Variants in ZNF286A observed in about 807,000 individuals in gnomAD.
The protein encoded by ZNF286A is zinc finger protein 286A.
In ZNF286A, 34 loss-of-function variants were observed where a neutral mutation model predicts 49.3. The ratio of observed to expected loss-of-function variants is 0.69; its 90% CI spans 0.52 to 0.92. ZNF286A has a LOEUF of 0.92. Ranked by LOEUF, ZNF286A falls within the 40% of genes least tolerant of loss-of-function variation. The pLI, the probability that ZNF286A is intolerant of heterozygous loss-of-function variation, is 0.00. For synonymous variants in ZNF286A, 155 were observed against 200.4 expected (o/e 0.77, Z 1.91); for missense variants, 462 against 600.2 (o/e 0.77, Z 2.41).
intron 4 of ZNF286A, among the ~76,000 whole-genome samples, 192 bp from the exon 5 acceptor site, chr17:15,707,963 C>A (rs1019761557): frequency 1.3e-5 from 2 of 151,328 alleles, no homozygotes; most frequent in African/African-American, 4.9e-5. Flanking sequence ...CCTGCCTGGG[C>A]AATATAGTGA....
At chr17:15,704,891 T>G (rs1220159329) in intron 3 of ZNF286A, 1 of 1,610,076 alleles carries the variant, frequency 6.2e-7, no homozygotes, top group Non-Finnish European at 8.5e-7. Flanking sequence ...TTCTCCACGT[T>G]GGAGTTCATG....
At chr17:15,711,060 C>T (rs1226639875) in intron 5 of ZNF286A, among the ~76,000 whole-genome samples, 3 of 151,796 alleles carry the variant, frequency 2.0e-5, no homozygotes, top group Admixed American at 6.6e-5. Context: ...TACAGGCATA[C>T]GCCACCAAAC....
At chr17:15,707,923 G>T in intron 4 of ZNF286A, among the ~76,000 whole-genome samples, 1 of 152,094 alleles carries the variant, frequency 6.6e-6, no homozygotes, top group Non-Finnish European at 1.5e-5. Context: ...GGCAGAGGTG[G>T]GAGGATAGCT....
At chr17:15,704,919 GCGGGTCC>G (rs1990094799) in intron 3 of ZNF286A, 1 of 1,575,630 alleles carries the variant, frequency 6.3e-7, no homozygotes, top group Non-Finnish European at 8.6e-7. Context: ...CCGGCCGGGG[GCGGGTCC>G]CCCCGGCCCC....
chr17:15,716,329 C>T lies in ZNF286A; in HGVS notation c.605C>T (p.Ser202Phe). 6.2e-7 allele frequency: 1 copy of T among 1,613,902 alleles called. No homozygotes were observed. The highest frequency in any genetic ancestry group is 2.2e-5 in the East Asian group (1 of 44,872). Reference sequence around the variant, plus strand: ...TACTGGAAAAGCTTCAATCAGAAATCTGTCCTTATCACTGAAGACAGAGTT... The same window carrying T: ...TACTGGAAAAGCTTCAATCAGAAATTTGTCCTTATCACTGAAGACAGAGTT... ...DVYWKSFNQK[S>F]VLITEDRVPK... Residue 202 changes from serine to phenylalanine, a missense_variant, in exon 6 of 6, where the codon TCT becomes TTT. Around this residue, in one of 3 missense-constraint regions of ZNF286A, gnomAD observed 259 missense variants for 272.2 expected, o/e 0.95. Transcript: ENST00000583566.
At chr17:15,706,630 G>C in intron 4 of ZNF286A, 129 bp downstream of exon 4, 1 of 580,906 alleles carries the variant, frequency 1.7e-6, no homozygotes, top group Non-Finnish European at 2.8e-6. Context: ...TTTGGCCTGT[G>C]TAGAAAATCT....
At chr17:15,713,561 C>T (rs909259243) in intron 5 of ZNF286A, among the ~76,000 whole-genome samples, 22 of 151,956 alleles carry the variant, frequency 1.4e-4, no homozygotes, top group African/African-American at 5.1e-4. Flanking sequence ...CAAAACTGAA[C>T]AAGTGATACT....
intron 5 of ZNF286A, chr17:15,709,871 T>A (rs1990525728): frequency 6.5e-7 from 1 of 1,545,980 alleles, no homozygotes; most frequent in African/African-American, 1.4e-5. Context: ...AGAGCTGGTT[T>A]AGGGAGATAA....
In ZNF286A at chr17:15,717,032, A is replaced by G; in HGVS notation, c.1308A>G (p.Lys436=). 2 of 1,614,106 alleles carry G rather than the reference A, an allele frequency of 1.2e-6. No individual in the cohort carries two copies. The highest frequency in any genetic ancestry group is 1.7e-6 in the Non-Finnish European group (2 of 1,180,030). The change falls in exon 6 of 6, where the codon AAA becomes AAG. Residue 436 remains lysine, a synonymous_variant. Coordinates refer to ENST00000583566, the MANE Select transcript of ZNF286A (RefSeq NM_001130842.2). ...ATCAGAGAATTCACACTGGAGAGAA[A>G]CCCTATGAGTGTAATGAATGTGGGA... ...VQHQRIHTGE[K]PYECNECGKT...
intron 3 of ZNF286A, 98 bp from the exon 4 acceptor site, chr17:15,706,289 A>G: frequency 3.5e-6 from 3 of 856,622 alleles, no homozygotes; most frequent in South Asian, 1.4e-5. Context: ...TCCCCTCTTA[A>G]GTGCATCTCA....
Position 15,716,800 on chromosome 17 carries a change from G to A in ZNF286A, c.1076G>A (p.Cys359Tyr). The change falls in exon 6 of 6, where the codon TGT becomes TAT. Residue 359 changes from cysteine (C) to tyrosine (Y), a missense_variant. Cys to Tyr is a radical substitution (Grantham distance 194, BLOSUM62 -2). This residue lies in a region of ZNF286A where 201 missense variants were observed against 311.3 expected (regional missense o/e 0.65). Transcript: ENST00000583566. ...TGVKPYECNE[C>Y]DKAFIHSSAL... ...GTGAAGCCTTATGAATGTAATGAAT[G>A]TGATAAAGCTTTTATTCATTCATCA... 1 of 1,613,920 alleles carries A rather than the reference G, an allele frequency of 6.2e-7. No individual in the cohort carries two copies. The highest frequency in any genetic ancestry group is 8.5e-7 in the Non-Finnish European group (1 of 1,179,862).
rs1989744874 is a variant in ZNF286A at position 15,701,145 on chromosome 17, T to G, written c.38-7T>G. 1 of 1,613,948 alleles carries G rather than the reference T, an allele frequency of 6.2e-7. No homozygotes were observed. The highest frequency in any genetic ancestry group is 1.3e-5 in the African/African-American group (1 of 74,924). On this transcript the variant is annotated splice_polypyrimidine_tract_variant and splice_region_variant and intron_variant, in intron 2 of 5. Coordinates refer to ENST00000583566, the MANE Select transcript of ZNF286A (RefSeq NM_001130842.2). Reference sequence around the variant, plus strand: ...AGGTCTCATCATTACTGCTTTCTTGTCGTTAGCTCTGTCTTCCCAGGATTC... The same window carrying G: ...AGGTCTCATCATTACTGCTTTCTTGGCGTTAGCTCTGTCTTCCCAGGATTC...
chr17:15,711,990 G>A (rs563572524), intron 5 of ZNF286A, among the ~76,000 whole-genome samples: 56 of 150,384 alleles, frequency 3.7e-4, no homozygotes, highest in Non-Finnish European at 7.4e-4. Context: ...TCCTGCCTCG[G>A]CCTCCTGAGT....
In ZNF286A at chr17:15,706,316, C is replaced by T. The variant is rs932431627; in HGVS notation, c.127-71C>T. ...TGCATCTCAGGCTTTTGCTCCAGGG[C>T]CAGCAGAAACTGGGGGATGAAAGAG... On this transcript the variant is annotated intron_variant, in intron 3 of 5. Transcript: ENST00000583566. 142 of 1,291,620 alleles carry T rather than the reference C, an allele frequency of 1.1e-4. 1 individual carries two copies. The highest frequency in any genetic ancestry group is 9.0e-5 in the Admixed American group (5 of 55,596). The allele number at this position is 1,291,620 out of a possible 1,614,324, so 80.0% of individuals were successfully genotyped here.
Position 15,706,561 on chromosome 17 carries a change from T to A in ZNF286A, c.241+60T>A, listed in dbSNP as rs924996157. The A allele has an allele frequency of 2.8e-5, 36 of 1,265,044 alleles. No individual in the cohort carries two copies. The African/African-American group carries it at 4.5e-4, about 16-fold the overall frequency. The allele number at this position is 1,265,044 out of a possible 1,614,324, so 78.4% of individuals were successfully genotyped here. A position where few individuals can be genotyped will look rare whatever the true frequency, so the allele number is the denominator to read the frequency against. On this transcript the variant is annotated intron_variant, in intron 4 of 5. Coordinates refer to ENST00000583566, the MANE Select transcript of ZNF286A (RefSeq NM_001130842.2). ...AGGAGCATCATTACTTTAATGAAAG[T>A]GAAATAGCTTAACAAAGCCTTCACC...
chr17:15,704,998 G>A, intron 3 of ZNF286A: 4 of 906,278 alleles, frequency 4.4e-6, no homozygotes, highest in Non-Finnish European at 6.2e-6. Context: ...CTGCGGCCCT[G>A]GAGAGGCCCC....
chr17:15,706,966 A>G (rs1320029222), intron 4 of ZNF286A, among the ~76,000 whole-genome samples: 1 of 152,150 alleles, frequency 6.6e-6, no homozygotes, highest in Non-Finnish European at 1.5e-5. Context: ...TCAGCAAATA[A>G]GGTCACAGGC....
At chr17:15,715,593 G>A (rs1212569131) in intron 5 of ZNF286A, among the ~76,000 whole-genome samples, 2 of 152,070 alleles carry the variant, frequency 1.3e-5, no homozygotes, top group East Asian at 3.9e-4. Context: ...TAAAAGCATT[G>A]TTAGGAAGAT....
chr17:15,707,356 C>T (rs1019322041), intron 4 of ZNF286A, among the ~76,000 whole-genome samples: 11 of 151,356 alleles, frequency 7.3e-5, no homozygotes, highest in Non-Finnish European at 1.6e-4. Flanking sequence ...AGGAGAATGG[C>T]ATGACCCCGG....
Sources: allele counts gnomAD v4.1 joint callset (sites outside exome capture counted in the v4.1 genomes callset), GRCh38; gene constraint gnomAD v4.1.1; regional missense constraint gnomAD v4.1.1; transcripts MANE v1.5; gene names NCBI Gene and HGNC (gene_info 2026-07-23, HGNC 2026-07-21).